EVI5L: variants seen among roughly 807,000 people sequenced by gnomAD.
The protein encoded by EVI5L is ecotropic viral integration site 5 like.
In EVI5L, 30 loss-of-function variants were observed where a neutral mutation model predicts 106.1. The observed-to-expected ratio is 0.28, with a 90% CI of 0.21 to 0.38. EVI5L has a LOEUF of 0.38. EVI5L is among the 10% of genes least tolerant of loss of function. The pLI, the probability that EVI5L is intolerant of heterozygous loss-of-function variation, is 1.00. For synonymous variants in EVI5L, 489 were observed against 483.3 expected (o/e 1.01, Z -0.15); for missense variants, 809 against 1,098.0 (o/e 0.74, Z 3.72).
rs138216298 is a variant in EVI5L, at chr19:7,863,765, C to T, written c.*63C>T. 2.1e-6 allele frequency: 3 copies of T among 1,419,950 alleles called. No individual in the cohort carries two copies. Among genetic ancestry groups the T allele is most frequent in the Non-Finnish European group, 1.8e-6 (2 of 1,093,428 alleles). 88.0% of individuals were successfully genotyped at this position (1,419,950 alleles called of 1,614,324 possible). On this transcript the variant is annotated 3_prime_UTR_variant, in exon 20 of 20. Coordinates refer to ENST00000538904, the MANE Select transcript of EVI5L (RefSeq NM_001159944.3). This position sits in a 1 kb window ranked among gnomAD's most constrained non-coding sequence, Gnocchi z 7.7. Reference sequence around the variant, plus strand: ...CCGCGGGGGGCGCCCGGGCAGTCCGCGTTCTGCTCCCCACCTGCCGCACTT... The same window carrying T: ...CCGCGGGGGGCGCCCGGGCAGTCCGTGTTCTGCTCCCCACCTGCCGCACTT...
At chr19:7,843,262 G>A (rs1053979542) in intron 1 of EVI5L, among the ~76,000 whole-genome samples, 1 of 150,268 alleles carries the variant, frequency 6.7e-6, no homozygotes, top group African/African-American at 2.5e-5. Context: ...ATAGGTGTGT[G>A]TGAGAATAGG....
rs766673204 is a variant in EVI5L, at chr19:7,863,052, C to G, written c.2028C>G (p.Ala676=). 3.7e-5 allele frequency: 58 copies of G among 1,562,614 alleles called. No individual in the cohort carries two copies. The highest frequency in any genetic ancestry group is 1.1e-4 in the Admixed American group (6 of 55,364). Residue 676 remains alanine (A), a synonymous_variant, in exon 18 of 20, where the codon GCC becomes GCG. Coordinates refer to ENST00000538904, the MANE Select transcript of EVI5L (RefSeq NM_001159944.3). The surrounding 1 kb of genome is among the most constrained non-coding windows in gnomAD (Gnocchi z 7.7). ...TGGCCGAGATGCGGCAGCGCATTGC[C>G]GAGCTGGAGATCCAGGTGATCGGCG... ...AAVAEMRQRI[A]ELEIQREEGR...
At chr19:7,832,561 G>A (rs1222752344) in intron 1 of EVI5L, among the ~76,000 whole-genome samples, 1 of 152,068 alleles carries the variant, frequency 6.6e-6, no homozygotes, top group Admixed American at 6.6e-5. Flanking sequence ...GGCCCTGTGT[G>A]TTCCCCCAGT....
intron 9 of EVI5L, 25 bp downstream of exon 9, chr19:7,853,208 G>T (rs1979345641): frequency 6.2e-7 from 1 of 1,613,998 alleles, no homozygotes; most frequent in Non-Finnish European, 8.5e-7. Context: ...GGCAACCAGG[G>T]TACTGGTAAG....
rs552969485 is a variant in EVI5L at position 7,835,925 on chromosome 19, A to G, written c.-48+5544A>G. Reference sequence around the variant, plus strand: ...TGAGTCTGTGTCCCTGGTAATCATTAGACATGGAGGAATCAGAAATGGGGG... The same window carrying G: ...TGAGTCTGTGTCCCTGGTAATCATTGGACATGGAGGAATCAGAAATGGGGG... On this transcript the variant is annotated intron_variant, in intron 1 of 19. Transcript: ENST00000538904. The surrounding 1 kb of genome is among the most constrained non-coding windows in gnomAD (Gnocchi z 4.1). Among the ~76,000 whole-genome samples, 4 of 152,238 alleles carry G rather than the reference A, an allele frequency of 2.6e-5. No homozygotes were observed. The highest frequency in any genetic ancestry group is 4.8e-5 in the African/African-American group (2 of 41,550).
intron 1 of EVI5L, among the ~76,000 whole-genome samples, chr19:7,831,412 C>T (rs1800832007): frequency 6.6e-6 from 1 of 151,890 alleles, no homozygotes; most frequent in Non-Finnish European, 1.5e-5. Flanking sequence ...TCCCAGAGTC[C>T]CCGACAGCTC....
chr19:7,853,494 C>G, intron 10 of EVI5L, 161 bp downstream of exon 10: 1 of 927,538 alleles, frequency 1.1e-6, no homozygotes, highest in South Asian at 1.6e-5. Flanking sequence ...CCGTCCTTCA[C>G]CTGTTAGGCC....
Position 7,858,267 on chromosome 19 carries a change from G to A in EVI5L, c.1310G>A (p.Cys437Tyr). ...GAGCTGGCGGTGGTGCGGCAGCAGT[G>A]CAGCTCGGCGGCCGAGGACCTGCAG... ...KRELAVVRQQ[C>Y]SSAAEDLQKA... Residue 437 changes from cysteine (C) to tyrosine (Y), a missense_variant, in exon 13 of 20, where the codon TGC (cysteine) becomes TAC (tyrosine). By Grantham distance (194) the Cys-to-Tyr change is radical (BLOSUM62 -2). Around this residue, in one of 2 missense-constraint regions of EVI5L, gnomAD observed 452 missense variants for 509.9 expected, o/e 0.89. Transcript: ENST00000538904. The surrounding 1 kb of genome is among the most constrained non-coding windows in gnomAD (Gnocchi z 5.7). 6.4e-7 allele frequency: 1 copy of A among 1,554,802 alleles called. No homozygotes were observed.
intron 1 of EVI5L, among the ~76,000 whole-genome samples, chr19:7,832,961 T>C (rs760880595): frequency 1.3e-5 from 2 of 152,096 alleles, no homozygotes; most frequent in Non-Finnish European, 2.9e-5. Context: ...CTCCTGAAGG[T>C]CACGTGGTAT....
rs571838421 is a variant in EVI5L, at chr19:7,850,500, G to A, written c.753+378G>A. 2.6e-5 allele frequency among the ~76,000 whole-genome samples: 4 copies of A among 152,258 alleles called. No individual in the cohort carries two copies. Among genetic ancestry groups the A allele is most frequent in the East Asian group, 1.9e-4 (1 of 5,176 alleles). ...CTGCCTGCCTGATTACTGGAGAGCC[G>A]CAGACGTCTGTTTATAAATAGCAGC... On this transcript the variant is annotated intron_variant, in intron 6 of 19. Transcript: ENST00000538904. This position sits in a 1 kb window ranked among gnomAD's most constrained non-coding sequence, Gnocchi z 5.4.
In EVI5L at chr19:7,863,549, G is replaced by A; in HGVS notation, c.2265G>A (p.Val755=). 6.2e-7 allele frequency: 1 copy of A among 1,600,338 alleles called. No homozygotes were observed. Among genetic ancestry groups the A allele is most frequent in the East Asian group, 2.3e-5 (1 of 44,112 alleles). Residue 755 remains valine (V), a synonymous_variant, in exon 20 of 20, where the codon GTG becomes GTA. Coordinates refer to ENST00000538904, the MANE Select transcript of EVI5L (RefSeq NM_001159944.3). This position sits in a 1 kb window ranked among gnomAD's most constrained non-coding sequence, Gnocchi z 7.7. ...ACGAGGAGCTACTTGGCGTAGGCGT[G>A]GGCGCTGCCCTGCAGGACGCATTGT... ...SSDEELLGVG[V]GAALQDALYP... is the part of the protein sequence containing the mutation.
chr19:7,863,724 A>C lies in EVI5L; in HGVS notation c.*22A>C. The C allele has an allele frequency of 4.2e-6, 6 of 1,438,686 alleles. No homozygotes were observed. Among genetic ancestry groups the C allele is most frequent in the Non-Finnish European group, 5.4e-6 (6 of 1,101,146 alleles). The allele number at this position is 1,438,686 out of a possible 1,614,324, so 89.1% of individuals were successfully genotyped here. A position where few individuals can be genotyped will look rare whatever the true frequency, so the allele number is the denominator to read the frequency against. ...CTGAGGCCATGCCCAGCGCGCCCGG[A>C]GTCAGGAGGCCGCAGCCGCGGGGGG... On this transcript the variant is annotated 3_prime_UTR_variant, in exon 20 of 20. Coordinates refer to ENST00000538904, the MANE Select transcript of EVI5L (RefSeq NM_001159944.3). The surrounding 1 kb of genome is among the most constrained non-coding windows in gnomAD (Gnocchi z 7.7).
chr19:7,837,068 C>T lies in EVI5L; in HGVS notation c.-48+6687C>T, dbSNP rs192112550. On this transcript the variant is annotated intron_variant, in intron 1 of 19. Coordinates refer to ENST00000538904, the MANE Select transcript of EVI5L (RefSeq NM_001159944.3). ...TAAAATGGCCAGTTGTGGTGGCTCA[C>T]GCCTGTAATCCCAGCACTTTGGGAG... 2.8e-3 allele frequency among the ~76,000 whole-genome samples: 425 copies of T among 150,352 alleles called. 2 individuals carry two copies. The highest frequency in any genetic ancestry group is 9.8e-3 in the African/African-American group (400 of 40,914).
In EVI5L at chr19:7,857,335, TGTGA is replaced by T; in HGVS notation, c.1233+215_1233+218del. The stretch of plus-strand genomic sequence containing the variant: ...GGGAGAAGGGTGTGTGTGGAGGGGC[TGTGA>T]GTGCGTTTGGGTGTGAATGTCCACA... On this transcript the variant is annotated intron_variant, in intron 12 of 19. Transcript: ENST00000538904. This position sits in a 1 kb window ranked among gnomAD's most constrained non-coding sequence, Gnocchi z 4.5. 1 of 644,608 alleles carries T rather than the reference TGTGA, an allele frequency of 1.6e-6. No homozygotes were observed. The highest frequency in any genetic ancestry group is 1.9e-5 in the South Asian group (1 of 53,492). 39.9% of individuals were successfully genotyped at this position (644,608 alleles called of 1,614,324 possible). A position where few individuals can be genotyped will look rare whatever the true frequency, so the allele number is the denominator to read the frequency against.
At chr19:7,854,105 A>T (rs1979406356) in intron 10 of EVI5L, among the ~76,000 whole-genome samples, 1 of 151,768 alleles carries the variant, frequency 6.6e-6, no homozygotes, top group Non-Finnish European at 1.5e-5. Flanking sequence ...AATGCAGTGA[A>T]ACCCCGTCTC....
Position 7,860,651 on chromosome 19 carries a change from C to T in EVI5L, c.1465C>T (p.Leu489Phe). 6.3e-7 allele frequency: 1 copy of T among 1,594,398 alleles called. No homozygotes were observed. The highest frequency in any genetic ancestry group is 8.5e-7 in the Non-Finnish European group (1 of 1,170,742). Residue 489 changes from leucine to phenylalanine, a missense_variant, in exon 14 of 20, where the codon CTT (leucine) becomes TTT (phenylalanine). Leu to Phe is a conservative substitution (Grantham distance 22). This residue lies in a region of EVI5L where 452 missense variants were observed against 509.9 expected (regional missense o/e 0.89). Transcript: ENST00000538904. ...RLRETETLGA[L>F]REMQDKVLDM... is the part of the protein sequence containing the mutation. ...GCGGGAGACGGAGACACTGGGGGCC[C>T]TTCGGGAGATGCAGGACAAGGTTCT...
At chr19:7,842,303 CGT>C (rs904012192) in intron 1 of EVI5L, among the ~76,000 whole-genome samples, 1 of 119,184 alleles carries the variant, frequency 8.4e-6, no homozygotes, top group South Asian at 2.9e-4. Context: ...CCAGTGTGTG[CGT>C]GTGTGAGAAT....
intron 1 of EVI5L, among the ~76,000 whole-genome samples, chr19:7,842,396 A>ATG (rs1416077441): frequency 5.6e-5 from 1 of 17,774 alleles, no homozygotes; most frequent in African/African-American, 1.4e-4. Context: ...GTCTGTGAGA[A>ATG]TGTGAGTGTG....
intron 1 of EVI5L, among the ~76,000 whole-genome samples, chr19:7,833,333 G>T (rs919437687): frequency 3.7e-4 from 56 of 152,234 alleles, no homozygotes; most frequent in Admixed American, 3.7e-3. Flanking sequence ...ACTGGCATGC[G>T]GCGGCCCCCG....
Sources: gnomAD v4.1 joint callset for allele counts (sites outside exome capture counted in the v4.1 genomes callset) on GRCh38, gnomAD v4.1.1 for gene constraint, gnomAD v4.1.1 regional missense constraint, Gnocchi (gnomAD v3.1) non-coding constraint, MANE v1.5 for transcripts, NCBI Gene and HGNC (gene_info 2026-07-23, HGNC 2026-07-21) for gene names.